Variants in SYK observed in about 807,000 individuals in gnomAD.
The protein encoded by SYK is spleen associated tyrosine kinase.
Under a neutral mutation model 77.8 loss-of-function variants are expected in SYK, and 16 were observed. The observed-to-expected ratio is 0.21, with a 90% CI of 0.14 to 0.31. SYK has a LOEUF of 0.31. Ranked by LOEUF, SYK falls within the 10% of genes least tolerant of loss-of-function variation. The pLI is 1.00. For synonymous variants in SYK, 312 were observed against 308.7 expected (o/e 1.01, Z -0.11); for missense variants, 529 against 814.4 (o/e 0.65, Z 4.26).
chr9:90,893,326 C>T (rs902765231), intron 13 of SYK, among the ~76,000 whole-genome samples: 5 of 152,210 alleles, frequency 3.3e-5, no homozygotes, highest in Admixed American at 6.5e-5. Flanking sequence ...CACATTGGAG[C>T]TTCTAGAATG....
intron 3 of SYK, among the ~76,000 whole-genome samples, chr9:90,855,095 C>T (rs534502800): frequency 3.3e-5 from 5 of 151,926 alleles, no homozygotes; most frequent in Admixed American, 2.0e-4. Flanking sequence ...CCTGTGGGGC[C>T]CAACTTAAAG....
intron 1 of SYK, among the ~76,000 whole-genome samples, chr9:90,842,126 T>C (rs1826384722): frequency 6.6e-6 from 1 of 150,736 alleles, no homozygotes; most frequent in African/African-American, 2.4e-5. Flanking sequence ...GTGGTATGTA[T>C]GTAATTTGTG....
chr9:90,888,527 A>G lies in SYK; in HGVS notation c.1735A>G (p.Ser579Gly), dbSNP rs1828664490. 1.9e-6 allele frequency: 3 copies of G among 1,609,464 alleles called. No individual in the cohort carries two copies. Among genetic ancestry groups the G allele is most frequent in the Admixed American group, 3.4e-5 (2 of 59,142 alleles). ...TTGCATGTTGTAGGGGATGAAAGGA[A>G]GTGAAGTCACCGCTATGTTAGAGAA... The part of the protein sequence containing the change: ...GQKPYRGMKG[S>G]EVTAMLEKGE... Residue 579 changes from serine (S) to glycine (G), a missense_variant, in exon 13 of 14, where the codon AGT becomes GGT. By Grantham distance (56) the Ser-to-Gly change is moderately conservative. This residue lies in a region of SYK where 208 missense variants were observed against 381.3 expected (regional missense o/e 0.55). Coordinates refer to ENST00000375754, the MANE Select transcript of SYK (RefSeq NM_003177.7).
intron 4 of SYK, among the ~76,000 whole-genome samples, 185 bp from the exon 5 acceptor site, chr9:90,864,403 AG>A (rs1285351410): frequency 1.3e-5 from 2 of 152,184 alleles, no homozygotes; most frequent in African/African-American, 4.8e-5. Flanking sequence ...CTAGCCCAAG[AG>A]GGGGGATCCC....
At chr9:90,845,211 T>A (rs1337252589) in intron 2 of SYK, among the ~76,000 whole-genome samples, 1 of 152,214 alleles carries the variant, frequency 6.6e-6, no homozygotes, top group African/African-American at 2.4e-5. Context: ...ACTGGGATTA[T>A]AAGCGTGAGC....
At chr9:90,874,390 T>G (rs964667894) in intron 8 of SYK, 99 bp downstream of exon 8, 1 of 1,209,948 alleles carries the variant, frequency 8.3e-7, no homozygotes, top group Non-Finnish European at 1.2e-6. Flanking sequence ...ACGTCCGTGA[T>G]TGCAATACAG....
rs796085613 is a variant in SYK at position 90,828,244 on chromosome 9, C to G, written c.-41-15614C>G. On this transcript the variant is annotated intron_variant, in intron 1 of 13. Transcript: ENST00000375754. Reference sequence around the variant, plus strand: ...CTGTGGCCTCACCCCCGCCCCCCCCCCCGCCCCGCCCAGGCCTTCACAGCT... The same window carrying G: ...CTGTGGCCTCACCCCCGCCCCCCCCGCCGCCCCGCCCAGGCCTTCACAGCT... Among the ~76,000 whole-genome samples, 12 of 114,824 alleles carry G rather than the reference C, an allele frequency of 1.0e-4. 1 individual carries two copies. The highest frequency in any genetic ancestry group is 2.2e-4 in the African/African-American group (7 of 31,722). 75.3% of individuals were successfully genotyped at this position (114,824 alleles called of 152,430 possible).
At chr9:90,858,373 G>A (rs1311557875) in intron 3 of SYK, among the ~76,000 whole-genome samples, 1 of 152,252 alleles carries the variant, frequency 6.6e-6, no homozygotes, top group Non-Finnish European at 1.5e-5. Context: ...CTCAGGCTTT[G>A]CAATAGCAAA....
chr9:90,835,811 G>A (rs1428159805), intron 1 of SYK, among the ~76,000 whole-genome samples: 1 of 152,138 alleles, frequency 6.6e-6, no homozygotes, highest in Non-Finnish European at 1.5e-5. Flanking sequence ...TGGACACACA[G>A]CAATTGCATG....
chr9:90,877,063 TA>T (rs1007270499), intron 9 of SYK, among the ~76,000 whole-genome samples: 35 of 152,032 alleles, frequency 2.3e-4, no homozygotes, highest in African/African-American at 8.5e-4. Flanking sequence ...TATTTTATAT[TA>T]TTTTTTAGAA....
At chr9:90,878,411 T>C (rs116411380) in intron 10 of SYK, among the ~76,000 whole-genome samples, 1,780 of 152,284 alleles carry the variant, frequency 0.012, 37 homozygotes, top group African/African-American at 0.04. Context: ...TTACCCTGAC[T>C]TTGTAGGTGA....
At position 90,867,185 on chromosome 9, in the gene SYK, C is replaced by A. The variant is rs1307122025; in HGVS notation, c.901C>A (p.Pro301Thr). The change falls in exon 7 of 14, where the codon CCT becomes ACT. Residue 301 changes from proline (P) to threonine (T), a missense_variant. By Grantham distance (38) the Pro-to-Thr change is conservative (BLOSUM62 -1). Around this residue, in one of 2 missense-constraint regions of SYK, gnomAD observed 321 missense variants for 433.1 expected, o/e 0.74. Transcript: ENST00000375754. ...AATCAAATCATACTCCTTCCCAAAG[C>A]CTGGCCACAGAAAGGTGCTAAAGCA... Reference protein sequence around the residue: ...SRIKSYSFPKPGHRKSSPAQG... With the variant: ...SRIKSYSFPKTGHRKSSPAQG... 6.2e-7 allele frequency: 1 copy of A among 1,614,186 alleles called. No individual in the cohort carries two copies. The highest frequency in any genetic ancestry group is 1.7e-5 in the Admixed American group (1 of 60,028).
chr9:90,826,906 A>G (rs1825683906), intron 1 of SYK, among the ~76,000 whole-genome samples: 1 of 151,832 alleles, frequency 6.6e-6, no homozygotes, highest in Admixed American at 6.6e-5. Context: ...GAGAGCTGGC[A>G]CCCTTCTTTC....
chr9:90,875,846 A>AT (rs1827905052), intron 9 of SYK, among the ~76,000 whole-genome samples: 1 of 152,220 alleles, frequency 6.6e-6, no homozygotes. Flanking sequence ...CTCTGTTTGA[A>AT]TTGGTATGAT....
At chr9:90,837,099 G>A (rs1826114806) in intron 1 of SYK, among the ~76,000 whole-genome samples, 1 of 152,130 alleles carries the variant, frequency 6.6e-6, no homozygotes, top group African/African-American at 2.4e-5. Context: ...CTGGTCAACA[G>A]TAGACTATTA....
intron 11 of SYK, among the ~76,000 whole-genome samples, chr9:90,887,497 C>T (rs1307168952): frequency 6.7e-6 from 1 of 148,314 alleles, no homozygotes. Context: ...CCTCTGCCTT[C>T]TGGGTTCAAG....
chr9:90,855,912 C>T (rs1564098014), intron 3 of SYK, among the ~76,000 whole-genome samples: 2 of 152,080 alleles, frequency 1.3e-5, no homozygotes, highest in African/African-American at 2.4e-5. Context: ...CTGTTACCTA[C>T]CTGGGCTGGA....
At chr9:90,831,384 A>G (rs1825886934) in intron 1 of SYK, among the ~76,000 whole-genome samples, 1 of 152,246 alleles carries the variant, frequency 6.6e-6, no homozygotes, top group Non-Finnish European at 1.5e-5. Flanking sequence ...ATACAGAGAC[A>G]TAGGCTACCT....
At chr9:90,856,367 G>T (rs1827036851) in intron 3 of SYK, among the ~76,000 whole-genome samples, 1 of 152,124 alleles carries the variant, frequency 6.6e-6, no homozygotes, top group African/African-American at 2.4e-5. Context: ...TGTTGTTCTT[G>T]CCCATTTCTT....
Sources: gnomAD v4.1 joint callset for allele counts (sites outside exome capture counted in the v4.1 genomes callset) on GRCh38, gnomAD v4.1.1 for gene constraint, gnomAD v4.1.1 regional missense constraint, MANE v1.5 for transcripts, NCBI Gene and HGNC (gene_info 2026-07-23, HGNC 2026-07-21) for gene names.